EBF1: variants seen among roughly 807,000 people sequenced by gnomAD.
EBF1 encodes transcription factor COE1.
Under a neutral mutation model 68.4 loss-of-function variants are expected in EBF1, and 10 were observed. That is an observed-to-expected ratio of 0.15 (90% confidence interval 0.09 to 0.25). The LOEUF is 0.25. Ranked by LOEUF, EBF1 falls within the 10% of genes least tolerant of loss-of-function variation. The pLI, the probability that EBF1 is intolerant of heterozygous loss-of-function variation, is 1.00. For synonymous variants in EBF1, 298 were observed against 299.8 expected (o/e 0.99, Z 0.06); for missense variants, 509 against 794.4 (o/e 0.64, Z 4.32).
At chr5:159,026,632 C>T (rs1767765065) in intron 6 of EBF1, among the ~76,000 whole-genome samples, 1 of 152,178 alleles carries the variant, frequency 6.6e-6, no homozygotes, top group Non-Finnish European at 1.5e-5. Context: ...ATGCTGGACT[C>T]ACATTTCTCC....
intron 10 of EBF1, among the ~76,000 whole-genome samples, chr5:158,757,178 T>C (rs1770310186): frequency 6.6e-6 from 1 of 152,034 alleles, no homozygotes; most frequent in Non-Finnish European, 1.5e-5. Context: ...AGGGCTTCAG[T>C]GGCATCCAGG....
chr5:158,701,734 A>T (rs952323299), intron 15 of EBF1, among the ~76,000 whole-genome samples: 1 of 152,190 alleles, frequency 6.6e-6, no homozygotes, highest in Non-Finnish European at 1.5e-5. Context: ...TTGTTTTTTT[A>T]AAAAAAGAAA....
chr5:158,831,271 T>C (rs1405548962), intron 7 of EBF1, among the ~76,000 whole-genome samples: 1 of 152,160 alleles, frequency 6.6e-6, no homozygotes, highest in Non-Finnish European at 1.5e-5. Flanking sequence ...GAAAATGGCA[T>C]ATTGGTCAAT....
chr5:158,867,147 G>C (rs562765907), intron 6 of EBF1, among the ~76,000 whole-genome samples: 10 of 152,080 alleles, frequency 6.6e-5, no homozygotes, highest in African/African-American at 2.4e-4. Flanking sequence ...TGCCTGGCCA[G>C]GTTTCAGGAT....
intron 6 of EBF1, among the ~76,000 whole-genome samples, chr5:158,865,303 T>C (rs1795681742): frequency 6.6e-6 from 1 of 152,196 alleles, no homozygotes; most frequent in Admixed American, 6.5e-5. Flanking sequence ...GGTTATGACA[T>C]GAACTTGGTT....
intron 6 of EBF1, among the ~76,000 whole-genome samples, chr5:158,999,881 T>C (rs1762185976): frequency 6.6e-6 from 1 of 152,372 alleles, no homozygotes; most frequent in South Asian, 2.1e-4. Context: ...CTTTTTCTGC[T>C]GTTTTGCTAC....
intron 6 of EBF1, among the ~76,000 whole-genome samples, chr5:158,980,649 A>G (rs1757708612): frequency 6.6e-6 from 1 of 152,252 alleles, no homozygotes; most frequent in African/African-American, 2.4e-5. Flanking sequence ...AATAACTAAC[A>G]AAGGAAGAAT....
intron 8 of EBF1, among the ~76,000 whole-genome samples, chr5:158,800,243 C>A (rs1391506669): frequency 6.6e-6 from 1 of 151,888 alleles, no homozygotes; most frequent in Non-Finnish European, 1.5e-5. Flanking sequence ...AACTAAAGGA[C>A]AGTGTAATTA....
intron 11 of EBF1, among the ~76,000 whole-genome samples, chr5:158,721,224 C>A (rs1374771205): frequency 2.0e-5 from 3 of 152,112 alleles, no homozygotes; most frequent in Non-Finnish European, 2.9e-5. Flanking sequence ...TTATTATGAA[C>A]CAGCATGCGG....
intron 11 of EBF1, among the ~76,000 whole-genome samples, chr5:158,723,937 C>G (rs374790360): frequency 1.3e-5 from 2 of 152,052 alleles, no homozygotes; most frequent in Non-Finnish European, 2.9e-5. Context: ...CACACATGCA[C>G]GCACACACAC....
rs562060985 is a variant in EBF1 at position 158,698,184 on chromosome 5, T to G, written c.*927A>C. ...AAATGGGGGAGCGTACGTGAGGTTT[T>G]GGCTTGTTAACTGGAGGGCAGAGTG... is the stretch of plus-strand genomic sequence containing the variant. On this transcript the variant is annotated 3_prime_UTR_variant, in exon 16 of 16. Transcript: ENST00000313708. The G allele has an allele frequency of 3.2e-5, 7 of 221,418 alleles. No individual in the cohort carries two copies. Among genetic ancestry groups the G allele is most frequent in the African/African-American group, 1.6e-4 (7 of 44,784 alleles). 13.7% of individuals were successfully genotyped at this position (221,418 alleles called of 1,614,324 possible). A position where few individuals can be genotyped will look rare whatever the true frequency, so the allele number is the denominator to read the frequency against.
chr5:158,955,878 G>C (rs894265109), intron 6 of EBF1, among the ~76,000 whole-genome samples: 3 of 152,194 alleles, frequency 2.0e-5, no homozygotes, highest in Admixed American at 6.5e-5. Context: ...GAGTAGCAAA[G>C]AGTTGCTTAG....
intron 7 of EBF1, among the ~76,000 whole-genome samples, chr5:158,830,331 C>T (rs759178918): frequency 3.3e-5 from 5 of 152,146 alleles, no homozygotes; most frequent in South Asian, 4.2e-4. Context: ...GACTGCAGGG[C>T]GTAATCTCGG....
intron 6 of EBF1, among the ~76,000 whole-genome samples, chr5:158,915,556 T>TTTATGTAAAGCA (rs1806998999): frequency 6.6e-6 from 1 of 152,160 alleles, no homozygotes; most frequent in Non-Finnish European, 1.5e-5. Flanking sequence ...TAATTGGACA[T>TTTATGTAAAGCA]TTATGTAAAG....
At chr5:159,071,520 G>A (rs972836085) in intron 6 of EBF1, among the ~76,000 whole-genome samples, 1 of 152,198 alleles carries the variant, frequency 6.6e-6, no homozygotes, top group Non-Finnish European at 1.5e-5. Context: ...GGCAACAATA[G>A]AAGCCACACT....
chr5:159,038,094 C>G (rs62385430), intron 6 of EBF1, among the ~76,000 whole-genome samples: 51,589 of 152,128 alleles, frequency 0.34, 9,743 homozygotes, highest in Non-Finnish European at 0.42. Flanking sequence ...TGCCCCATAT[C>G]TTTCCTTGTC....
At chr5:158,701,115 T>G (rs755000245) in intron 15 of EBF1, among the ~76,000 whole-genome samples, 1 of 152,166 alleles carries the variant, frequency 6.6e-6, no homozygotes, top group Non-Finnish European at 1.5e-5. Flanking sequence ...TGGAGGTGGG[T>G]CCAGGCACCT....
chr5:159,003,668 A>C (rs1442014217), intron 6 of EBF1, among the ~76,000 whole-genome samples: 1 of 152,250 alleles, frequency 6.6e-6, no homozygotes, highest in African/African-American at 2.4e-5. Flanking sequence ...AGAGGGACTC[A>C]AAGCGTGACA....
At chr5:159,097,222 C>G (rs1191392476) in intron 1 of EBF1, 92 bp from the exon 2 acceptor site, 10 of 1,400,038 alleles carry the variant, frequency 7.1e-6, no homozygotes, top group Non-Finnish European at 9.5e-6. Context: ...CTCAAACACC[C>G]ACCTCCTCTT....
Sources: gnomAD v4.1 joint callset for allele counts (sites outside exome capture counted in the v4.1 genomes callset) on GRCh38, gnomAD v4.1.1 for gene constraint, MANE v1.5 for transcripts, NCBI Gene and HGNC (gene_info 2026-07-23, HGNC 2026-07-21) for gene names.